NPAS3: variants seen among roughly 807,000 people sequenced by gnomAD.
The protein encoded by NPAS3 is neuronal PAS domain protein 3, also known as neuronal PAS domain-containing protein 3.
Under a neutral mutation model 73.1 loss-of-function variants are expected in NPAS3, and 14 were observed. The ratio of observed to expected loss-of-function variants is 0.19; its 90% CI spans 0.13 to 0.30. NPAS3 has a LOEUF of 0.30. Among genes scored for constraint, NPAS3 ranks in the 10% least tolerant of loss-of-function variants. The pLI is 1.00. For missense variants in NPAS3, 1,096 were observed against 1,250.0 expected (o/e 0.88, Z 1.86); for synonymous variants, 620 against 541.5 (o/e 1.14, Z -2.01).
At chr14:33,197,139 C>T (rs926505098) in intron 2 of NPAS3, among the ~76,000 whole-genome samples, 1 of 151,958 alleles carries the variant, frequency 6.6e-6, no homozygotes, top group Admixed American at 6.6e-5. Flanking sequence ...AAAATTATAG[C>T]CTACAGTTGA....
intron 3 of NPAS3, among the ~76,000 whole-genome samples, chr14:33,250,346 A>G (rs1260423428): frequency 6.6e-6 from 1 of 152,002 alleles, no homozygotes. Context: ...GAAAAAGAGG[A>G]TTTATCTCTG....
At chr14:33,729,320 G>A (rs577562492) in intron 6 of NPAS3, among the ~76,000 whole-genome samples, 20 of 152,196 alleles carry the variant, frequency 1.3e-4, no homozygotes, top group South Asian at 8.3e-4. Context: ...TGATCGTCAC[G>A]TATCCAAAAA....
chr14:33,126,012 A>G (rs2139071348), intron 2 of NPAS3, among the ~76,000 whole-genome samples: 1 of 152,310 alleles, frequency 6.6e-6, no homozygotes, highest in African/African-American at 2.4e-5. Flanking sequence ...AAAGGTCACA[A>G]GAAGAGCCGC....
At chr14:33,243,668 C>T (rs2139842492) in intron 3 of NPAS3, among the ~76,000 whole-genome samples, 1 of 151,930 alleles carries the variant, frequency 6.6e-6, no homozygotes, top group South Asian at 2.1e-4. Flanking sequence ...AAAGCTAGCA[C>T]AGAACATAGA....
intron 2 of NPAS3, among the ~76,000 whole-genome samples, chr14:33,133,667 A>G (rs17100207): frequency 0.013 from 2,031 of 152,354 alleles, 41 homozygotes; most frequent in African/African-American, 0.046. Flanking sequence ...TAGTTTGTAG[A>G]AAAGGTGACA....
At chr14:33,253,787 C>A (rs1009567148) in intron 3 of NPAS3, among the ~76,000 whole-genome samples, 1 of 151,988 alleles carries the variant, frequency 6.6e-6, no homozygotes, top group African/African-American at 2.4e-5. Flanking sequence ...TTATTCATGG[C>A]AGTTCTGTAC....
At chr14:33,412,940 A>G (rs558289204) in intron 4 of NPAS3, among the ~76,000 whole-genome samples, 1 of 152,354 alleles carries the variant, frequency 6.6e-6, no homozygotes, top group Non-Finnish European at 1.5e-5. Context: ...AGGAATCTTC[A>G]GTTTAGTGCT....
rs190343212 is a variant in NPAS3 at position 33,747,305 on chromosome 14, G to A, written c.852+11973G>A. On this transcript the variant is annotated intron_variant, in intron 7 of 11. Coordinates refer to ENST00000356141, the Ensembl canonical transcript of NPAS3. ...CCTTTGTAGGGACATGGATGAAATT[G>A]GAAATCATCATTCTCAGTAAACTAT... Among the ~76,000 whole-genome samples the A allele has an allele frequency of 5.0e-3, 759 of 152,218 alleles. 5 individuals are homozygous for A. The highest frequency in any genetic ancestry group is 0.03 in the South Asian group (146 of 4,810).
rs143240199 is a variant in NPAS3, at chr14:33,744,117, A to G, written c.852+8785A>G. ...TTTCAAGAACTTTTCCTTTGCATTC[A>G]CTGGTTGGCTAACTGGCACCAAGAG... On this transcript the variant is annotated intron_variant, in intron 7 of 11. Coordinates refer to ENST00000356141, the Ensembl canonical transcript of NPAS3. 7.9e-3 allele frequency among the ~76,000 whole-genome samples: 1,210 copies of G among 152,224 alleles called. 15 individuals carry two copies. The highest frequency in any genetic ancestry group is 0.027 in the African/African-American group (1,132 of 41,522).
chr14:33,524,817 T>A (rs2053722325), intron 4 of NPAS3, among the ~76,000 whole-genome samples: 1 of 152,158 alleles, frequency 6.6e-6, no homozygotes. Context: ...GACCATCGCT[T>A]GTAGATACAT....
intron 2 of NPAS3, among the ~76,000 whole-genome samples, chr14:33,142,445 T>C (rs1360441385): frequency 6.6e-6 from 1 of 152,152 alleles, no homozygotes; most frequent in Non-Finnish European, 1.5e-5. Flanking sequence ...TACTGAATGA[T>C]TTCATGCCCT....
intron 4 of NPAS3, among the ~76,000 whole-genome samples, chr14:33,542,245 A>G (rs1323160885): frequency 6.6e-6 from 1 of 152,174 alleles, no homozygotes; most frequent in Non-Finnish European, 1.5e-5. Context: ...TTCTCAAGCC[A>G]TACTCGCCAG....
rs141267406 is a variant in NPAS3 at position 33,769,632 on chromosome 14, A to T, written c.853-4705A>T. 2.8e-4 allele frequency among the ~76,000 whole-genome samples: 42 copies of T among 152,170 alleles called. No individual in the cohort carries two copies. The East Asian group carries it at 6.6e-3, about 24-fold the overall frequency. On this transcript the variant is annotated intron_variant, in intron 7 of 11. Coordinates refer to ENST00000356141, the Ensembl canonical transcript of NPAS3. The stretch of plus-strand genomic sequence containing the variant: ...TTATTCCAAACCTTTCTTATGGAAC[A>T]TGCTTGTTAATTAATCAAACAGTAT...
At chr14:33,646,173 C>T (rs927656456) in intron 5 of NPAS3, among the ~76,000 whole-genome samples, 1 of 151,942 alleles carries the variant, frequency 6.6e-6, no homozygotes, top group Non-Finnish European at 1.5e-5. Context: ...ACTGGAAGGC[C>T]ATCCTGATTT....
At chr14:33,171,718 T>G (rs990138558) in intron 2 of NPAS3, among the ~76,000 whole-genome samples, 1 of 152,120 alleles carries the variant, frequency 6.6e-6, no homozygotes, top group Non-Finnish European at 1.5e-5. Context: ...CTGACTGGAG[T>G]AGTGGTTTTA....
intron 4 of NPAS3, among the ~76,000 whole-genome samples, chr14:33,402,710 A>G (rs1367749567): frequency 6.6e-6 from 1 of 152,112 alleles, no homozygotes; most frequent in Non-Finnish European, 1.5e-5. Flanking sequence ...ATCACCCTAT[A>G]GTTCTTATTT....
chr14:33,575,170 A>G (rs2139842177), intron 5 of NPAS3, among the ~76,000 whole-genome samples: 1 of 152,312 alleles, frequency 6.6e-6, no homozygotes, highest in African/African-American at 2.4e-5. Flanking sequence ...CATATCATGC[A>G]ATTAACTTTT....
intron 2 of NPAS3, among the ~76,000 whole-genome samples, chr14:33,184,200 G>GGTGGGCTGTTTTACTAAA (rs2045903618): frequency 1.3e-5 from 2 of 152,298 alleles, no homozygotes; most frequent in African/African-American, 4.8e-5. Context: ...AGCCTCCTGG[G>GGTGGGCTGTTTTACTAAA]AGAACACAGG....
intron 1 of NPAS3, among the ~76,000 whole-genome samples, chr14:32,949,853 A>T (rs1034652571): frequency 2.0e-5 from 3 of 151,734 alleles, no homozygotes; most frequent in African/African-American, 7.2e-5. Context: ...TATTCTTTTT[A>T]AAAAAATTAG....
Sources: allele counts gnomAD v4.1 joint callset (sites outside exome capture counted in the v4.1 genomes callset), GRCh38; gene constraint gnomAD v4.1.1; transcripts MANE v1.5; gene names NCBI Gene and HGNC (gene_info 2026-07-23, HGNC 2026-07-21).